Variants in ZBTB20 observed in about 807,000 individuals in gnomAD.
ZBTB20 encodes zinc finger and BTB domain-containing protein 20.
Under a neutral mutation model 56.9 loss-of-function variants are expected in ZBTB20, and 9 were observed. The observed-to-expected ratio is 0.16, with a 90% CI of 0.10 to 0.28. The LOEUF is 0.28. ZBTB20 is among the 10% of genes least tolerant of loss of function. The pLI is 1.00. For synonymous variants in ZBTB20, 417 were observed against 420.7 expected, an observed-to-expected ratio of 0.99 and a Z score of 0.11; for missense variants, 655 against 1,003.0, an observed-to-expected ratio of 0.65 and a Z score of 4.69.
intron 6 of ZBTB20, among the ~76,000 whole-genome samples, chr3:114,546,561 T>C (rs1293114047): frequency 6.8e-6 from 1 of 146,452 alleles, no homozygotes; most frequent in Non-Finnish European, 1.5e-5. Context: ...CATACACCTT[T>C]TTTTTTTTTT....
intron 2 of ZBTB20, among the ~76,000 whole-genome samples, chr3:115,000,327 A>C (rs1233477823): frequency 1.3e-5 from 2 of 151,652 alleles, no homozygotes; most frequent in Non-Finnish European, 3.0e-5. Flanking sequence ...ATTATTTGTA[A>C]ATTAGCAGAC....
In ZBTB20 at chr3:114,331,273, T is replaced by G. The variant is rs1205766822; in HGVS notation, c.*7732A>C. On this transcript the variant is annotated 3_prime_UTR_variant, in exon 12 of 12. Coordinates refer to ENST00000675478, the MANE Select transcript of ZBTB20 (RefSeq NM_001348800.3). ...CTCCAGGAGACCTGGGGAGACGCCC[T>G]GGACTGCTGCTCCCTCTTGTCTGCT... 1 of 152,500 alleles carries G rather than the reference T, an allele frequency of 6.6e-6. No individual in the cohort carries two copies. The highest frequency in any genetic ancestry group is 1.5e-5 in the Non-Finnish European group (1 of 68,256). The allele number at this position is 152,500 out of a possible 1,614,324, so 9.4% of individuals were successfully genotyped here. A position where few individuals can be genotyped will look rare whatever the true frequency, so the allele number is the denominator to read the frequency against.
At chr3:114,675,365 A>G (rs894677480) in intron 6 of ZBTB20, among the ~76,000 whole-genome samples, 2 of 151,726 alleles carry the variant, frequency 1.3e-5, no homozygotes, top group Non-Finnish European at 2.9e-5. Context: ...AGGCTTCTAC[A>G]TACTTAGCTA....
At chr3:115,143,332 T>A (rs1228365418) in intron 1 of ZBTB20, among the ~76,000 whole-genome samples, 1 of 152,198 alleles carries the variant, frequency 6.6e-6, no homozygotes, top group Non-Finnish European at 1.5e-5. Flanking sequence ...TAATGTCGCC[T>A]ATAAACTAAT....
intron 2 of ZBTB20, among the ~76,000 whole-genome samples, chr3:114,996,594 A>G (rs980252285): frequency 6.6e-6 from 1 of 151,900 alleles, no homozygotes; most frequent in African/African-American, 2.4e-5. Context: ...CATTTTCTTT[A>G]TCCAGTCTAT....
Position 114,524,486 on chromosome 3 carries a change from C to T in ZBTB20, c.-294-24095G>A, listed in dbSNP as rs531822835. On this transcript the variant is annotated intron_variant, in intron 6 of 11. Coordinates refer to ENST00000675478, the MANE Select transcript of ZBTB20 (RefSeq NM_001348800.3). ...AGAGTGTTAGTGAGCTAGGGGCTAA[C>T]GTTTTCAAGGAATTGGGAAACTTGC... 5.3e-5 allele frequency among the ~76,000 whole-genome samples: 8 copies of T among 152,156 alleles called. No homozygotes were observed. In the East Asian group the frequency reaches 1.2e-3, roughly 22 times the overall value.
chr3:114,635,639 A>G (rs2059220962), intron 6 of ZBTB20, among the ~76,000 whole-genome samples: 1 of 152,034 alleles, frequency 6.6e-6, no homozygotes, highest in Non-Finnish European at 1.5e-5. Flanking sequence ...CTGAAGCTGG[A>G]GAATACAAAA....
At chr3:114,605,597 G>C (rs2057081940) in intron 6 of ZBTB20, among the ~76,000 whole-genome samples, 1 of 152,138 alleles carries the variant, frequency 6.6e-6, no homozygotes, top group Non-Finnish European at 1.5e-5. Context: ...AATCTAGTGG[G>C]GAGAAAGGAA....
At chr3:114,903,588 C>T (rs2075209196) in intron 3 of ZBTB20, among the ~76,000 whole-genome samples, 1 of 152,028 alleles carries the variant, frequency 6.6e-6, no homozygotes, top group Admixed American at 6.6e-5. Context: ...CTAACCAGCA[C>T]TTTTAAGCTC....
At chr3:114,736,103 G>A (rs1244758455) in intron 5 of ZBTB20, among the ~76,000 whole-genome samples, 3 of 152,146 alleles carry the variant, frequency 2.0e-5, no homozygotes, top group Admixed American at 6.5e-5. Flanking sequence ...AGGATACACC[G>A]GAGTTTCCAT....
intron 5 of ZBTB20, among the ~76,000 whole-genome samples, chr3:114,728,520 C>T (rs1203854116): frequency 1.3e-5 from 2 of 152,188 alleles, no homozygotes; most frequent in African/African-American, 4.8e-5. Context: ...AGAGCTAGAA[C>T]TTGAATGCAG....
chr3:114,704,596 G>A (rs2063598317), intron 5 of ZBTB20, among the ~76,000 whole-genome samples: 2 of 152,150 alleles, frequency 1.3e-5, no homozygotes, highest in African/African-American at 4.8e-5. Flanking sequence ...ATACTTGGCT[G>A]TTGGCCTTTG....
chr3:114,821,594 C>T (rs186310689), intron 4 of ZBTB20, among the ~76,000 whole-genome samples: 26 of 152,134 alleles, frequency 1.7e-4, no homozygotes, highest in Non-Finnish European at 2.5e-4. Context: ...AAGTTCCTTG[C>T]GCCCGACCCT....
intron 2 of ZBTB20, among the ~76,000 whole-genome samples, chr3:115,046,140 T>C (rs923972939): frequency 2.0e-5 from 3 of 152,200 alleles, no homozygotes; most frequent in Admixed American, 6.5e-5. Context: ...CAGGTAGTTC[T>C]AGATAATTTG....
Position 114,983,721 on chromosome 3 carries a change from T to G in ZBTB20, c.-506-9305A>C, listed in dbSNP as rs72960361. ...GCTATAGACTAGGAATTTTTACATTTAAGCCAAAATACAGCCAACAGAGTT... is the reference window on the plus strand; with the variant it reads ...GCTATAGACTAGGAATTTTTACATTGAAGCCAAAATACAGCCAACAGAGTT... On this transcript the variant is annotated intron_variant, in intron 2 of 11. Transcript: ENST00000675478. Among the ~76,000 whole-genome samples, 901 of 152,132 alleles carry G rather than the reference T, an allele frequency of 5.9e-3. 12 individuals are homozygous for G. Among genetic ancestry groups the G allele is most frequent in the African/African-American group, 0.021 (872 of 41,548 alleles).
At chr3:114,919,620 A>C (rs1255196115) in intron 3 of ZBTB20, among the ~76,000 whole-genome samples, 1 of 151,794 alleles carries the variant, frequency 6.6e-6, no homozygotes, top group Non-Finnish European at 1.5e-5. Context: ...CAGGAGAATC[A>C]CTTGAACCCG....
intron 5 of ZBTB20, among the ~76,000 whole-genome samples, chr3:114,746,218 G>T (rs759199706): frequency 6.6e-6 from 1 of 152,108 alleles, no homozygotes; most frequent in East Asian, 1.9e-4. Context: ...TATCAATTCT[G>T]TGTTACTGGT....
chr3:114,646,403 A>T (rs909713356), intron 6 of ZBTB20, among the ~76,000 whole-genome samples: 1 of 151,780 alleles, frequency 6.6e-6, no homozygotes, highest in Non-Finnish European at 1.5e-5. Context: ...TCTGATGAAA[A>T]CTCCTTCTTC....
chr3:114,537,906 C>A (rs910315859), intron 6 of ZBTB20, among the ~76,000 whole-genome samples: 25 of 152,212 alleles, frequency 1.6e-4, no homozygotes, highest in African/African-American at 6.0e-4. Context: ...ACTGCATGTT[C>A]TCACTCATAA....
Sources: allele counts gnomAD v4.1 joint callset (sites outside exome capture counted in the v4.1 genomes callset), GRCh38; gene constraint gnomAD v4.1.1; transcripts MANE v1.5; gene names NCBI Gene and HGNC (gene_info 2026-07-23, HGNC 2026-07-21).